The following THNSL2 variants were observed in gnomAD, a reference collection of about 807,000 sequenced individuals.
THNSL2 encodes threonine synthase like 2.
THNSL2 carries 34 observed loss-of-function variants against 40.0 expected under a neutral mutation model. That is an observed-to-expected ratio of 0.85 (90% CI 0.65 to 1.13). THNSL2 has a LOEUF of 1.13. Ranked by LOEUF, THNSL2 falls within the 50% of genes most tolerant of loss-of-function variation. The probability of loss-of-function intolerance (pLI) is 0.00; values close to 1 mark genes in which losing one functional copy is unlikely to be tolerated. For synonymous variants in THNSL2, 241 were observed against 247.5 expected (o/e 0.97, Z 0.25); for missense variants, 537 against 608.8 (o/e 0.88, Z 1.24).
chr2:88,178,668 G>A (rs570013278), intron 4 of THNSL2, 115 bp from the exon 5 acceptor site: 15 of 1,037,482 alleles, frequency 1.4e-5, no homozygotes, highest in South Asian at 4.2e-5. Flanking sequence ...CCTAGGCTGC[G>A]CGAAGGTCCC....
chr2:88,185,794 C>A (rs897629328), intron 8 of THNSL2, 104 bp from the exon 9 acceptor site: 34 of 1,537,362 alleles, frequency 2.2e-5, no homozygotes, highest in Non-Finnish European at 2.9e-5. Context: ...CATACCCCCC[C>A]ATCCCTAAAC....
At position 88,184,617 on chromosome 2, in the gene THNSL2, A is replaced by G. The variant is rs77083372; in HGVS notation, c.1078-711A>G. 2.0e-5 allele frequency among the ~76,000 whole-genome samples: 3 copies of G among 148,028 alleles called. No individual in the cohort carries two copies. In the South Asian group the frequency reaches 6.6e-4, roughly 33 times the overall value. ...CCGTCTCTACTAAAAAAAAAAAAAA[A>G]TTAGCTGGGCATGGTGGCACATGCC... On this transcript the variant is annotated intron_variant, in intron 7 of 8. Coordinates refer to ENST00000674334, the MANE Select transcript of THNSL2 (RefSeq NM_018271.5).
At chr2:88,171,666 C>G (rs1489594272) in intron 1 of THNSL2, 1 of 178,186 alleles carries the variant, frequency 5.6e-6, no homozygotes, top group African/African-American at 2.4e-5. Flanking sequence ...CTAGCACCTG[C>G]CCCCCGACCC....
chr2:88,170,414 TCGCGCCCCGCGCCC>T lies in THNSL2; in HGVS notation c.-30_-17del. 57,588 of 149,044 alleles carry T rather than the reference TCGCGCCCCGCGCCC, an allele frequency of 0.39. 12,568 individuals are homozygous for T. The highest frequency in any genetic ancestry group is 0.47 in the Non-Finnish European group (31,311 of 66,908). The allele number at this position is 149,044 out of a possible 1,614,324, so 9.2% of individuals were successfully genotyped here. On this transcript the variant is annotated 5_prime_UTR_variant, in exon 1 of 9. Transcript: ENST00000674334. ...GGGCAGCCCTGCTGCGCACCGGGCC[TCGCGCCCCGCGCCC>T]CGCGCCCCGCGCCCCGCGCCCCGCA...
Position 88,186,060 on chromosome 2 carries a change from T to C in THNSL2, c.1392T>C (p.Leu464=). The C allele has an allele frequency of 6.3e-7, 1 of 1,585,778 alleles. No individual in the cohort carries two copies. The highest frequency in any genetic ancestry group is 8.6e-7 in the Non-Finnish European group (1 of 1,165,906). The stretch of plus-strand genomic sequence containing the variant: ...GAGGTGACAACTGGATGCTGATGCT[T>C]CGGGACACCATTGAGGACCTTAGCC... ...MRRGDNWMLM[L]RDTIEDLSRQ... Residue 464 remains leucine, a synonymous_variant, in exon 9 of 9, where the codon CTT becomes CTC. Coordinates refer to ENST00000674334, the MANE Select transcript of THNSL2 (RefSeq NM_018271.5).
rs200804670 is a variant in THNSL2, at chr2:88,185,424, C to G, written c.1174C>G (p.His392Asp). ...TGAGAACCAGTACTTGCTGTGCCCC[C>G]ACTCAGCGGTGGCCGTGAACTACCA... ...WDENQYLLCPHSAVAVNYHYQ... is the reference protein window; with the variant it reads ...WDENQYLLCPDSAVAVNYHYQ... The change falls in exon 8 of 9, where the codon CAC (histidine) becomes GAC (aspartate). Residue 392 changes from histidine to aspartate, a missense_variant. By Grantham distance (81) the His-to-Asp change is moderately conservative. Coordinates refer to ENST00000674334, the MANE Select transcript of THNSL2 (RefSeq NM_018271.5). 3.7e-6 allele frequency: 6 copies of G among 1,614,062 alleles called. No homozygotes were observed. Among genetic ancestry groups the G allele is most frequent in the Admixed American group, 3.3e-5 (2 of 60,000 alleles).
intron 7 of THNSL2, among the ~76,000 whole-genome samples, chr2:88,184,722 C>T (rs1245496165): frequency 1.3e-5 from 2 of 151,754 alleles, no homozygotes; most frequent in African/African-American, 4.8e-5. Flanking sequence ...GAGCCAAGAT[C>T]GTGTCACGGT....
intron 5 of THNSL2, among the ~76,000 whole-genome samples, chr2:88,180,359 A>C (rs913032065): frequency 2.0e-5 from 3 of 152,174 alleles, no homozygotes; most frequent in Non-Finnish European, 4.4e-5. Context: ...GAAAGTTGAG[A>C]TTAGTAGTTC....
At chr2:88,183,675 T>C (rs976115954) in intron 7 of THNSL2, 2 of 152,108 alleles carry the variant, frequency 1.3e-5, no homozygotes, top group African/African-American at 2.4e-5. Context: ...TTTCTCTCTC[T>C]TATTTTTCTT....
intron 1 of THNSL2, chr2:88,171,111 C>T (rs1676323714): frequency 2.7e-6 from 1 of 365,658 alleles, no homozygotes; most frequent in South Asian, 2.0e-5. Flanking sequence ...GCTTGGAGCC[C>T]TCATAGAGCA....
At chr2:88,173,624 TTAAAAA>T (rs1558884435) in intron 2 of THNSL2, among the ~76,000 whole-genome samples, 1 of 144,244 alleles carries the variant, frequency 6.9e-6, no homozygotes, top group African/African-American at 2.5e-5. Flanking sequence ...TTCTTTTTCT[TTAAAAA>T]AAAAAAAACA....
rs369239668 is a variant in THNSL2 at position 88,175,369 on chromosome 2, C to T, written c.539C>T (p.Thr180Met). 5.0e-5 allele frequency: 81 copies of T among 1,614,024 alleles called. No homozygotes were observed. Among genetic ancestry groups the T allele is most frequent in the East Asian group, 1.8e-4 (8 of 44,876 alleles). Reference protein sequence around the residue: ...CTKIQELQMTTVLKQNVHVFG... With the variant: ...CTKIQELQMTMVLKQNVHVFG... ...AAGATTCAGGAGCTCCAGATGACAA[C>T]GGTGCTGAAGCAGAACGTACATGTG... Residue 180 changes from threonine to methionine, a missense_variant, in exon 4 of 9, where the codon ACG becomes ATG. By Grantham distance (81) the Thr-to-Met change is moderately conservative. Coordinates refer to ENST00000674334, the MANE Select transcript of THNSL2 (RefSeq NM_018271.5).
chr2:88,175,004 A>G (rs1420505670), intron 3 of THNSL2, among the ~76,000 whole-genome samples, 171 bp downstream of exon 3: 1 of 152,204 alleles, frequency 6.6e-6, no homozygotes, highest in Non-Finnish European at 1.5e-5. Context: ...GATGGAGGCT[A>G]TGGAACTTTC....
chr2:88,176,626 T>C (rs2104175148), intron 4 of THNSL2: 1 of 152,332 alleles, frequency 6.6e-6, no homozygotes, highest in East Asian at 1.9e-4. Flanking sequence ...AACATCAGCT[T>C]TGACAAGGAG....
At position 88,174,412 on chromosome 2, in the gene THNSL2, T is replaced by C. The variant is rs1676684134; in HGVS notation, c.224-227T>C. Among the ~76,000 whole-genome samples the C allele has an allele frequency of 2.6e-5, 4 of 152,164 alleles. No individual in the cohort carries two copies. In the South Asian group the frequency reaches 8.3e-4, roughly 32 times the overall value. ...AAAAATAAAGTCTTCTAGTACCAAT[T>C]CTGGTCACTGAGGAAATCACTATAA... On this transcript the variant is annotated intron_variant, in intron 2 of 8. Coordinates refer to ENST00000674334, the MANE Select transcript of THNSL2 (RefSeq NM_018271.5).
chr2:88,185,235 G>T (rs1678140517), intron 7 of THNSL2, 93 bp from the exon 8 acceptor site: 1 of 1,509,854 alleles, frequency 6.6e-7, no homozygotes, highest in African/African-American at 1.4e-5. Context: ...GGATCCCTGG[G>T]GTTTGTGTGG....
At position 88,182,798 on chromosome 2, in the gene THNSL2, C is replaced by G; in HGVS notation, c.902C>G (p.Ser301Cys). The part of the protein sequence containing the change: ...IHRTVQQGDF[S>C]LSEAVKSTLA... ...AGGACTGTCCAGCAGGGAGACTTCT[C>G]TCTCTCTGAGGCTGTTAAATCAACC... The change falls in exon 6 of 9, where the codon TCT becomes TGT. Residue 301 changes from serine to cysteine, a missense_variant. Transcript: ENST00000674334. The G allele has an allele frequency of 6.2e-7, 1 of 1,614,198 alleles. No individual in the cohort carries two copies. Among genetic ancestry groups the G allele is most frequent in the African/African-American group, 1.3e-5 (1 of 75,042 alleles).
chr2:88,171,880 T>C (rs1182654313), intron 1 of THNSL2: 1 of 152,648 alleles, frequency 6.6e-6, no homozygotes, highest in Non-Finnish European at 1.5e-5. Context: ...CAAGTTTGTC[T>C]CTGTCTCTAA....
At chr2:88,170,954 CTCCT>C (rs1282319507) in intron 1 of THNSL2, among the ~76,000 whole-genome samples, 2 of 152,150 alleles carry the variant, frequency 1.3e-5, no homozygotes, top group Admixed American at 6.5e-5. Flanking sequence ...CTTCGGGCTA[CTCCT>C]ATTTTCCGTA....
Sources: allele counts gnomAD v4.1 joint callset (sites outside exome capture counted in the v4.1 genomes callset), GRCh38; gene constraint gnomAD v4.1.1; transcripts MANE v1.5; gene names NCBI Gene and HGNC (gene_info 2026-07-23, HGNC 2026-07-21).